Variants in GADL1 observed in about 807,000 individuals in gnomAD.
The protein encoded by GADL1 is GAD like acidic amino acid decarboxylase 1.
Under a neutral mutation model 69.5 loss-of-function variants are expected in GADL1, and 71 were observed. The ratio of observed to expected loss-of-function variants is 1.02; its 90% CI spans 0.84 to 1.25. The LOEUF is 1.25. Ranked by LOEUF, GADL1 falls within the 50% of genes most tolerant of loss-of-function variation. The probability of loss-of-function intolerance (pLI) is 0.00; values close to 1 mark genes in which losing one functional copy is unlikely to be tolerated. For synonymous variants in GADL1, 254 were observed against 214.4 expected (o/e 1.18, Z -1.62); for missense variants, 737 against 631.8 (o/e 1.17, Z -1.79).
At chr3:30,729,285 T>C (rs1695418733) in intron 14 of GADL1, among the ~76,000 whole-genome samples, 1 of 152,212 alleles carries the variant, frequency 6.6e-6, no homozygotes, top group African/African-American at 2.4e-5. Context: ...AATAGTGAAG[T>C]TCATTTTTGA....
At chr3:30,826,289 C>T (rs1012412596) in intron 11 of GADL1, among the ~76,000 whole-genome samples, 4 of 151,840 alleles carry the variant, frequency 2.6e-5, no homozygotes, top group Non-Finnish European at 5.9e-5. Context: ...GACACAAAGG[C>T]AGAATTTCAT....
At chr3:30,787,222 G>A (rs1174556524) in intron 12 of GADL1, among the ~76,000 whole-genome samples, 1 of 151,656 alleles carries the variant, frequency 6.6e-6, no homozygotes, top group Non-Finnish European at 1.5e-5. Context: ...GAATATGAGG[G>A]GAAAAAAGTG....
intron 14 of GADL1, among the ~76,000 whole-genome samples, chr3:30,737,113 A>G (rs1303271196): frequency 2.0e-5 from 3 of 152,096 alleles, no homozygotes. Flanking sequence ...TTCAGGCCCC[A>G]ATCAGAGCAG....
chr3:30,764,186 GTTC>G (rs1266957826), intron 14 of GADL1, among the ~76,000 whole-genome samples: 4 of 151,408 alleles, frequency 2.6e-5, no homozygotes, highest in Non-Finnish European at 5.9e-5. Context: ...TCAAAACTTA[GTTC>G]TTAAGTAACT....
chr3:30,854,790 C>T lies in GADL1; in HGVS notation c.338-1G>A. 6.6e-7 allele frequency: 1 copy of T among 1,522,428 alleles called. No individual in the cohort carries two copies. Among genetic ancestry groups the T allele is most frequent in the Non-Finnish European group, 8.9e-7 (1 of 1,122,772 alleles). 94.3% of individuals were successfully genotyped at this position (1,522,428 alleles called of 1,614,324 possible). On this transcript the variant is annotated splice_acceptor_variant, in intron 3 of 14. Transcript: ENST00000282538. LOFTEE classifies it high-confidence loss of function. The stretch of plus-strand genomic sequence containing the variant: ...AATTGGTTGAAAAATCTTGGGTGGT[C>T]TGTAAATTTAAAATGGAGTATTCAT...
At chr3:30,795,171 C>A (rs1320835915) in intron 12 of GADL1, among the ~76,000 whole-genome samples, 1 of 152,148 alleles carries the variant, frequency 6.6e-6, no homozygotes, top group Admixed American at 6.6e-5. Context: ...CCAGGTGGAG[C>A]CTTCCAACCA....
In GADL1 at chr3:30,728,305, T is replaced by G. The variant is rs776197454; in HGVS notation, c.1503A>C (p.Gln501His). Residue 501 changes from glutamine (Q) to histidine (H), a missense_variant, in exon 15 of 15, where the codon CAA becomes CAC. Physicochemically the swap from Gln to His is conservative, Grantham distance 24. Coordinates refer to ENST00000282538, the MANE Select transcript of GADL1 (RefSeq NM_207359.3). ...NFFRQVVISP[Q>H]VSREDMDFLL... ...GGAAGTCCATGTCCTCCCGGCTCAC[T>G]TGAGGGCTGATCACCACCTGGCGGA... 1 of 1,613,938 alleles carries G rather than the reference T, an allele frequency of 6.2e-7. No individual in the cohort carries two copies. The highest frequency in any genetic ancestry group is 1.3e-5 in the African/African-American group (1 of 75,036).
chr3:30,857,722 G>C (rs1392372873), intron 2 of GADL1, among the ~76,000 whole-genome samples: 1 of 151,898 alleles, frequency 6.6e-6, no homozygotes, highest in East Asian at 1.9e-4. Context: ...AGTAAAACCT[G>C]AGGTCCTTAC....
intron 12 of GADL1, among the ~76,000 whole-genome samples, chr3:30,792,758 C>T (rs1341046430): frequency 3.3e-5 from 5 of 152,002 alleles, no homozygotes; most frequent in East Asian, 1.9e-4. Flanking sequence ...CAGCAGTGTC[C>T]GAAGAGCAGA....
chr3:30,802,852 C>T (rs1503093), intron 11 of GADL1, among the ~76,000 whole-genome samples: 66,668 of 152,026 alleles, frequency 0.44, 15,834 homozygotes, highest in African/African-American at 0.62. Flanking sequence ...GTAATCCCAA[C>T]GCTTTGGAGG....
At chr3:30,892,047 G>A (rs963951465) in intron 1 of GADL1, among the ~76,000 whole-genome samples, 7 of 152,126 alleles carry the variant, frequency 4.6e-5, no homozygotes, top group African/African-American at 1.4e-4. Context: ...AGGAAGAATG[G>A]AAAGTTGTGC....
At chr3:30,891,580 C>G (rs1319117196) in intron 1 of GADL1, among the ~76,000 whole-genome samples, 1 of 151,722 alleles carries the variant, frequency 6.6e-6, no homozygotes, top group Non-Finnish European at 1.5e-5. Context: ...GTGCGGGACT[C>G]TGGAGTGAGA....
chr3:30,850,115 C>A lies in GADL1; in HGVS notation c.536-4G>T, dbSNP rs766357451. The A allele has an allele frequency of 6.7e-7, 1 of 1,488,782 alleles. No individual in the cohort carries two copies. The highest frequency in any genetic ancestry group is 9.4e-7 in the Non-Finnish European group (1 of 1,067,764). 92.2% of individuals were successfully genotyped at this position (1,488,782 alleles called of 1,614,324 possible). A position where few individuals can be genotyped will look rare whatever the true frequency, so the allele number is the denominator to read the frequency against. On this transcript the variant is annotated splice_polypyrimidine_tract_variant and splice_region_variant and intron_variant, in intron 5 of 14. Transcript: ENST00000282538. Reference sequence around the variant, plus strand: ...TACATATTGGACACTGAGCCACCTGCAAAAACAAAATTAAAATGGCATATT... The same window carrying A: ...TACATATTGGACACTGAGCCACCTGAAAAAACAAAATTAAAATGGCATATT...
At chr3:30,746,141 A>G (rs1695699639) in intron 14 of GADL1, among the ~76,000 whole-genome samples, 1 of 151,948 alleles carries the variant, frequency 6.6e-6, no homozygotes, top group Non-Finnish European at 1.5e-5. Flanking sequence ...GGTGTGTGCC[A>G]CCATGCCTGG....
intron 8 of GADL1, among the ~76,000 whole-genome samples, chr3:30,839,801 G>T (rs1047481066): frequency 6.6e-6 from 1 of 152,064 alleles, no homozygotes; most frequent in African/African-American, 2.4e-5. Flanking sequence ...GGCATGAACG[G>T]GTACTGGTGG....
chr3:30,774,136 G>C (rs146352867), intron 14 of GADL1, among the ~76,000 whole-genome samples: 1 of 152,084 alleles, frequency 6.6e-6, no homozygotes, highest in Non-Finnish European at 1.5e-5. Context: ...GGAATACCTA[G>C]GAAATTTGGG....
At chr3:30,750,579 T>C (rs1403734543) in intron 14 of GADL1, among the ~76,000 whole-genome samples, 1 of 152,070 alleles carries the variant, frequency 6.6e-6, no homozygotes, top group Non-Finnish European at 1.5e-5. Flanking sequence ...GTTTCCAGTG[T>C]AATGAAATGA....
chr3:30,850,908 T>C lies in GADL1; in HGVS notation c.462A>G (p.Leu154=). The change falls in exon 5 of 15, where the codon TTA becomes TTG. Residue 154 remains leucine (L), a synonymous_variant. Transcript: ENST00000282538. ...YTYEVSPVFL[L]VEEAVLKKMI... is the part of the protein sequence containing the mutation. ...TTTTCTTCAGAACCGCTTCTTCCAC[T>C]AACAGAAACACTGGGGACACCTCAT... The C allele has an allele frequency of 4.5e-6, 7 of 1,549,530 alleles. No individual in the cohort carries two copies. Among genetic ancestry groups the C allele is most frequent in the Non-Finnish European group, 6.1e-6 (7 of 1,145,182 alleles).
chr3:30,839,654 T>A (rs1697935288), intron 8 of GADL1, among the ~76,000 whole-genome samples: 1 of 152,004 alleles, frequency 6.6e-6, no homozygotes, highest in Non-Finnish European at 1.5e-5. Context: ...TCAGAGGAGA[T>A]AAGGCAACCT....
Sources: allele counts gnomAD v4.1 joint callset (sites outside exome capture counted in the v4.1 genomes callset), GRCh38; gene constraint gnomAD v4.1.1; transcripts MANE v1.5; gene names NCBI Gene and HGNC (gene_info 2026-07-23, HGNC 2026-07-21).